Variants in NAMPT observed in about 807,000 individuals in gnomAD.
NAMPT encodes the protein nicotinamide phosphoribosyltransferase.
Under a neutral mutation model 58.7 loss-of-function variants are expected in NAMPT, and 7 were observed. The observed-to-expected ratio is 0.12, with a 90% CI of 0.07 to 0.22. NAMPT has a LOEUF of 0.22. Ranked by LOEUF, NAMPT falls within the 10% of genes least tolerant of loss-of-function variation. NAMPT has a pLI of 1.00. For synonymous variants in NAMPT, 145 were observed against 198.1 expected, an observed-to-expected ratio of 0.73 and a Z score of 2.25; for missense variants, 271 against 567.9, an observed-to-expected ratio of 0.48 and a Z score of 5.31.
intron 1 of NAMPT, among the ~76,000 whole-genome samples, chr7:106,282,968 G>A (rs1792794825): frequency 6.6e-6 from 1 of 152,032 alleles, no homozygotes; most frequent in African/African-American, 2.4e-5. Flanking sequence ...TGTAAAATAG[G>A]TTATAAGGAC....
intron 9 of NAMPT, among the ~76,000 whole-genome samples, chr7:106,254,053 G>A (rs185230791): frequency 4.4e-4 from 67 of 152,172 alleles, no homozygotes; most frequent in African/African-American, 1.5e-3. Context: ...TAGGTAAGCT[G>A]ACATTCCTAC....
At chr7:106,270,428 T>C (rs867939707) in intron 4 of NAMPT, 1 of 224,226 alleles carries the variant, frequency 4.5e-6, no homozygotes, top group African/African-American at 2.4e-5. Flanking sequence ...AAGATTAACC[T>C]TGAACTTGCC....
chr7:106,257,066 C>T (rs1299056712), intron 8 of NAMPT, among the ~76,000 whole-genome samples: 1 of 151,838 alleles, frequency 6.6e-6, no homozygotes, highest in Non-Finnish European at 1.5e-5. Flanking sequence ...ATCCCAGCTA[C>T]CCGAGAAGCA....
At chr7:106,276,499 C>CAAACA (rs1792647291) in intron 2 of NAMPT, 1 of 152,772 alleles carries the variant, frequency 6.5e-6, no homozygotes, top group African/African-American at 2.4e-5. Flanking sequence ...TAAAGTATAA[C>CAAACA]AAACAAGATT....
At chr7:106,282,586 T>G (rs1001456509) in intron 1 of NAMPT, among the ~76,000 whole-genome samples, 3 of 152,198 alleles carry the variant, frequency 2.0e-5, no homozygotes, top group Admixed American at 1.3e-4. Flanking sequence ...AAAGTATGAG[T>G]TTACAGAAGT....
chr7:106,254,253 A>G (rs757417515), intron 9 of NAMPT, 111 bp downstream of exon 9: 3 of 1,219,408 alleles, frequency 2.5e-6, no homozygotes, highest in South Asian at 1.3e-5. Flanking sequence ...ACCCAACAAC[A>G]TATTAACAGT....
At chr7:106,251,326 T>C (rs1474623261) in intron 10 of NAMPT, 133 bp from the exon 11 acceptor site, 1 of 642,740 alleles carries the variant, frequency 1.6e-6, no homozygotes, top group Admixed American at 2.7e-5. Context: ...GATGATTTGA[T>C]GCATAAAAAA....
In NAMPT at chr7:106,268,592, G is replaced by A. The variant is rs1681446616; in HGVS notation, c.615C>T (p.Gly205=). 6.2e-7 allele frequency: 1 copy of A among 1,608,774 alleles called. No individual in the cohort carries two copies. The highest frequency in any genetic ancestry group is 8.5e-7 in the Non-Finnish European group (1 of 1,175,314). The change falls in exon 6 of 11, where the codon GGC becomes GGT. Residue 205 remains glycine (G), a synonymous_variant. Coordinates refer to ENST00000222553, the MANE Select transcript of NAMPT (RefSeq NM_005746.3). ...YRGVSSQETA[G]IGASAHLVNF... is the part of the protein sequence containing the mutation. ...TAACCAAGTGAGCAGATGCTCCTAT[G>A]CCAGCAGTCTGGAAAATCAATCATA...
Position 106,268,583 on chromosome 7 carries a change from T to A in NAMPT, c.624A>T (p.Ala208=). The stretch of plus-strand genomic sequence containing the variant: ...CTTTGAAGTTAACCAAGTGAGCAGA[T>A]GCTCCTATGCCAGCAGTCTGGAAAA... The part of the protein sequence containing the change: ...VSSQETAGIG[A]SAHLVNFKGT... Residue 208 remains alanine (A), a synonymous_variant, in exon 6 of 11, where the codon GCA becomes GCT. Transcript: ENST00000222553. The A allele has an allele frequency of 6.2e-7, 1 of 1,610,830 alleles. No individual in the cohort carries two copies. The highest frequency in any genetic ancestry group is 1.7e-5 in the Admixed American group (1 of 60,016).
At chr7:106,259,295 GT>G (rs1302946149) in intron 8 of NAMPT, among the ~76,000 whole-genome samples, 3 of 152,040 alleles carry the variant, frequency 2.0e-5, no homozygotes, top group Non-Finnish European at 2.9e-5. Context: ...TCAAGACTCA[GT>G]TATCTGTGAA....
At chr7:106,275,475 C>A (rs1235193611) in intron 2 of NAMPT, 1 of 153,286 alleles carries the variant, frequency 6.5e-6, no homozygotes, top group Non-Finnish European at 1.5e-5. Context: ...AATGTCTGCC[C>A]CCCAAACAAC....
rs1032516141 is a variant in NAMPT at position 106,277,162 on chromosome 7, T to C, written c.75A>G (p.Gln25=). The C allele has an allele frequency of 9.3e-6, 15 of 1,611,472 alleles. No homozygotes were observed. Among genetic ancestry groups the C allele is most frequent in the East Asian group, 8.9e-5 (4 of 44,756 alleles). Residue 25 remains glutamine (Q), a synonymous_variant, in exon 2 of 11, where the codon CAA becomes CAG. Coordinates refer to ENST00000222553, the MANE Select transcript of NAMPT (RefSeq NM_005746.3). ...AAACTTTGCTTGTGTTGGGTGGATA[T>C]TGTTTATAGTGAGTAACCTATGTAA... The part of the protein sequence containing the change: ...TDSYKVTHYK[Q]YPPNTSKVYS...
upstream of NAMPT, chr7:106,285,230 A>G (rs1792852673): frequency 4.0e-6 from 4 of 993,736 alleles, no homozygotes; most frequent in African/African-American, 1.7e-5. Context: ...GGGGAGGAGG[A>G]CGTGATGCAC....
chr7:106,285,369 G>A, upstream of NAMPT: 1 of 438,548 alleles, frequency 2.3e-6, no homozygotes, highest in Non-Finnish European at 3.1e-6. Context: ...TGGAGGGGGC[G>A]TTCCCAGCTT....
chr7:106,267,824 G>C lies in NAMPT; in HGVS notation c.743+640C>G, dbSNP rs565981518. ...CCACTGCACTCCAGCCTGGGCGACA[G>C]AGCGAGACTCCGTCTCAAAAAAAAA... On this transcript the variant is annotated intron_variant, in intron 6 of 10. Coordinates refer to ENST00000222553, the MANE Select transcript of NAMPT (RefSeq NM_005746.3). 9.4e-3 allele frequency among the ~76,000 whole-genome samples: 703 copies of C among 74,706 alleles called. 7 individuals are homozygous for C. The highest frequency in any genetic ancestry group is 0.029 in the African/African-American group (667 of 23,100). 49.0% of individuals were successfully genotyped at this position (74,706 alleles called of 152,430 possible). A position where few individuals can be genotyped will look rare whatever the true frequency, so the allele number is the denominator to read the frequency against.
chr7:106,272,178 T>C, intron 4 of NAMPT: 1 of 315,664 alleles, frequency 3.2e-6, no homozygotes, highest in South Asian at 2.7e-5. Flanking sequence ...ACTTGAACAT[T>C]TATCATTCAT....
intron 1 of NAMPT, chr7:106,284,540 T>TCCG (rs1232167712): frequency 6.3e-6 from 1 of 159,014 alleles, no homozygotes; most frequent in African/African-American, 2.5e-5. Flanking sequence ...CGCCCGGGAG[T>TCCG]CCGCTGGGGC....
At position 106,254,354 on chromosome 7, in the gene NAMPT, G is replaced by A. The variant is rs1326129374; in HGVS notation, c.1230+10C>T. 3 of 1,613,352 alleles carry A rather than the reference G, an allele frequency of 1.9e-6. No individual in the cohort carries two copies. The highest frequency in any genetic ancestry group is 2.7e-5 in the African/African-American group (2 of 74,994). ...GGTAGTAACACAGAAGTAATTAAAA[G>A]GTGACATACCCCAAGGCCATTAGTT... is the stretch of plus-strand genomic sequence containing the variant. On this transcript the variant is annotated intron_variant, in intron 9 of 10. Transcript: ENST00000222553.
At chr7:106,283,974 G>A (rs537132831) in intron 1 of NAMPT, among the ~76,000 whole-genome samples, 29 of 152,302 alleles carry the variant, frequency 1.9e-4, no homozygotes, top group African/African-American at 7.0e-4. Flanking sequence ...CATATCAACT[G>A]AATGTGGCAG....
Sources: gnomAD v4.1 joint callset for allele counts (sites outside exome capture counted in the v4.1 genomes callset) on GRCh38, gnomAD v4.1.1 for gene constraint, MANE v1.5 for transcripts, NCBI Gene and HGNC (gene_info 2026-07-23, HGNC 2026-07-21) for gene names.